Variants in ZDHHC21 observed in about 807,000 individuals in gnomAD.
The protein encoded by ZDHHC21 is zDHHC palmitoyltransferase 21.
ZDHHC21 carries 15 observed loss-of-function variants against 34.6 expected under a neutral mutation model. The observed-to-expected ratio is 0.43, with a 90% confidence interval of 0.29 to 0.67. The LOEUF (loss-of-function observed/expected upper bound fraction) is 0.67, where lower values mean the gene tolerates loss of function less well. Ranked by LOEUF, ZDHHC21 falls within the 30% of genes least tolerant of loss-of-function variation. The pLI is 0.14. For synonymous variants in ZDHHC21, 142 were observed against 101.8 expected, an observed-to-expected ratio of 1.40 and a Z score of -2.38; for missense variants, 344 against 327.7, an observed-to-expected ratio of 1.05 and a Z score of -0.38.
At position 14,615,404 on chromosome 9, in the gene ZDHHC21, T is replaced by C. The variant is rs1823994204; in HGVS notation, c.*3562A>G. On this transcript the variant is annotated 3_prime_UTR_variant, in exon 10 of 10. Transcript: ENST00000380916. ...TTTAACTCAGCTGTTATACTGAACATTACGTATTATGTTCTCTATTTCATT... is the reference window on the plus strand; with the variant it reads ...TTTAACTCAGCTGTTATACTGAACACTACGTATTATGTTCTCTATTTCATT... The C allele has an allele frequency of 2.0e-5, 3 of 151,742 alleles. No individual in the cohort carries two copies. The highest frequency in any genetic ancestry group is 4.1e-4 in the South Asian group (2 of 4,834). The allele number at this position is 151,742 out of a possible 1,614,324, so 9.4% of individuals were successfully genotyped here. A position where few individuals can be genotyped will look rare whatever the true frequency, so the allele number is the denominator to read the frequency against.
At chr9:14,604,754 T>C in the ZDHHC21 span, among the ~76,000 whole-genome samples, 1 of 152,202 alleles carries the variant, frequency 6.6e-6, no homozygotes, top group South Asian at 2.1e-4. Flanking sequence ...AAATATACAG[T>C]ACGGTACTGT....
intron 5 of ZDHHC21, among the ~76,000 whole-genome samples, chr9:14,666,064 A>C (rs943028254): frequency 2.7e-5 from 4 of 150,362 alleles, no homozygotes; most frequent in Non-Finnish European, 5.9e-5. Context: ...AAATTGGATA[A>C]AGAGTCAAGA....
At chr9:14,605,796 G>C in the ZDHHC21 span, among the ~76,000 whole-genome samples, 1 of 152,078 alleles carries the variant, frequency 6.6e-6, no homozygotes, top group Non-Finnish European at 1.5e-5. Context: ...TCTTTTAGGA[G>C]TTTTATACTG....
At chr9:14,603,465 G>C in the ZDHHC21 span, among the ~76,000 whole-genome samples, 1 of 151,978 alleles carries the variant, frequency 6.6e-6, no homozygotes, top group Admixed American at 6.6e-5. Flanking sequence ...AATCAGATGT[G>C]AAAAAATGTG....
chr9:14,673,165 C>A (rs976508724), intron 4 of ZDHHC21, among the ~76,000 whole-genome samples: 1 of 151,906 alleles, frequency 6.6e-6, no homozygotes, highest in Non-Finnish European at 1.5e-5. Context: ...ATGATAGTAA[C>A]TCAAAGTTCT....
the ZDHHC21 span, among the ~76,000 whole-genome samples, chr9:14,593,235 A>G: frequency 1.3e-5 from 2 of 152,298 alleles, no homozygotes; most frequent in African/African-American, 4.8e-5. Flanking sequence ...AACAAAATTG[A>G]CAAACCTTTA....
At chr9:14,676,331 C>CA (rs35793186) in intron 3 of ZDHHC21, among the ~76,000 whole-genome samples, 55,464 of 151,648 alleles carry the variant, frequency 0.37, 10,475 homozygotes, top group Non-Finnish European at 0.41. Context: ...ATTCTAAGAA[C>CA]AATTCATAAT....
intron 2 of ZDHHC21, chr9:14,683,704 G>T (rs1837780745): frequency 1.3e-5 from 2 of 152,156 alleles, no homozygotes; most frequent in South Asian, 2.1e-4. Context: ...CCTTTTATGA[G>T]GCCAGCATCA....
intron 5 of ZDHHC21, among the ~76,000 whole-genome samples, chr9:14,664,070 G>A (rs546093344): frequency 1.3e-5 from 2 of 152,272 alleles, no homozygotes; most frequent in East Asian, 3.9e-4. Flanking sequence ...CAGAAGACGG[G>A]TGATTTCTGC....
At chr9:14,599,751 G>A in the ZDHHC21 span, among the ~76,000 whole-genome samples, 2 of 152,096 alleles carry the variant, frequency 1.3e-5, no homozygotes, top group Non-Finnish European at 1.5e-5. Flanking sequence ...AACCTGGGAT[G>A]CTCAAGCTTA....
Position 14,632,656 on chromosome 9 carries a change from AC to A in ZDHHC21, c.621+7239del, listed in dbSNP as rs1307971877. 7.3e-4 allele frequency among the ~76,000 whole-genome samples: 101 copies of A among 137,652 alleles called. 43 individuals are homozygous for A. The highest frequency in any genetic ancestry group is 1.2e-3 in the East Asian group (6 of 4,834). The allele number at this position is 137,652 out of a possible 152,430, so 90.3% of individuals were successfully genotyped here. On this transcript the variant is annotated intron_variant, in intron 8 of 9. Transcript: ENST00000380916. The stretch of plus-strand genomic sequence containing the variant: ...ACACTGTTAATAAAGTGAAAATATA[AC>A]TAAGAGAATGTGAGAATATTTGCAA...
chr9:14,662,362 C>G, intron 5 of ZDHHC21, 36 bp from the exon 6 acceptor site: 2 of 1,499,058 alleles, frequency 1.3e-6, no homozygotes, highest in South Asian at 1.2e-5. Flanking sequence ...TTAATGAAGG[C>G]AAGTGGGTAA....
intron 8 of ZDHHC21, among the ~76,000 whole-genome samples, chr9:14,624,223 A>G (rs977330041): frequency 2.6e-5 from 4 of 152,196 alleles, no homozygotes; most frequent in Admixed American, 6.5e-5. Flanking sequence ...GAAGATGTCC[A>G]TAAGTTATAT....
intron 8 of ZDHHC21, among the ~76,000 whole-genome samples, chr9:14,634,020 G>C (rs914130468): frequency 6.6e-6 from 1 of 152,110 alleles, no homozygotes; most frequent in Non-Finnish European, 1.5e-5. Context: ...CAGTAGCTGA[G>C]GCTAGGTCTG....
chr9:14,626,108 C>T (rs1826158848), intron 8 of ZDHHC21, among the ~76,000 whole-genome samples: 1 of 152,002 alleles, frequency 6.6e-6, no homozygotes, highest in Admixed American at 6.6e-5. Context: ...ACTACTCTTA[C>T]ACTTTTAACA....
At chr9:14,633,826 G>T (rs988492566) in intron 8 of ZDHHC21, among the ~76,000 whole-genome samples, 11 of 152,130 alleles carry the variant, frequency 7.2e-5, no homozygotes, top group South Asian at 2.1e-4. Context: ...TCCCCAGCCC[G>T]CTGCATACAG....
chr9:14,657,796 G>A (rs534816504), intron 7 of ZDHHC21, among the ~76,000 whole-genome samples: 15 of 152,008 alleles, frequency 9.9e-5, no homozygotes, highest in East Asian at 5.8e-4. Context: ...CTTCTCTGTC[G>A]CTTAAAAAAA....
chr9:14,590,990 C>G, the ZDHHC21 span, among the ~76,000 whole-genome samples: 1 of 151,846 alleles, frequency 6.6e-6, no homozygotes, highest in Non-Finnish European at 1.5e-5. Context: ...GAAATAGAAG[C>G]AAAATGTTGT....
chr9:14,632,266 T>C (rs1827503281), intron 8 of ZDHHC21, among the ~76,000 whole-genome samples: 1 of 152,092 alleles, frequency 6.6e-6, no homozygotes, highest in African/African-American at 2.4e-5. Flanking sequence ...AAGATAGACA[T>C]ACAGATAAAT....
Sources: gnomAD v4.1 joint callset for allele counts (sites outside exome capture counted in the v4.1 genomes callset) on GRCh38, gnomAD v4.1.1 for gene constraint, MANE v1.5 for transcripts, NCBI Gene and HGNC (gene_info 2026-07-23, HGNC 2026-07-21) for gene names.